PPP1R1A: variants seen among roughly 807,000 people sequenced by gnomAD.
PPP1R1A encodes protein phosphatase 1 regulatory inhibitor subunit 1A.
PPP1R1A carries 18 observed loss-of-function variants against 23.9 expected under a neutral mutation model. That is an observed-to-expected ratio of 0.75 (90% CI 0.52 to 1.12). The LOEUF (loss-of-function observed/expected upper bound fraction) is 1.12, where lower values mean the gene tolerates loss of function less well. Among genes scored for constraint, PPP1R1A ranks in the 50% most tolerant of loss-of-function variants. The pLI, the probability that PPP1R1A is intolerant of heterozygous loss-of-function variation, is 0.00. For synonymous variants in PPP1R1A, 84 were observed against 80.7 expected, an observed-to-expected ratio of 1.04 and a Z score of -0.22; for missense variants, 207 against 223.8, an observed-to-expected ratio of 0.92 and a Z score of 0.48.
Position 54,580,356 on chromosome 12 carries a change from C to T in PPP1R1A, c.*31G>A. 1 of 1,613,310 alleles carries T rather than the reference C, an allele frequency of 6.2e-7. No individual in the cohort carries two copies. The highest frequency in any genetic ancestry group is 8.5e-7 in the Non-Finnish European group (1 of 1,179,568). ...CCGGTGTCCATGCATTCCCAAACTGCAGTCTTGATCCCAAGATACCTCCTC... is the reference window on the plus strand; with the variant it reads ...CCGGTGTCCATGCATTCCCAAACTGTAGTCTTGATCCCAAGATACCTCCTC... On this transcript the variant is annotated 3_prime_UTR_variant, in exon 7 of 7. Transcript: ENST00000257905.
In PPP1R1A at chr12:54,588,504, C is replaced by T. The variant is rs759702265; in HGVS notation, c.-16G>A. On this transcript the variant is annotated 5_prime_UTR_variant, in exon 1 of 7. Transcript: ENST00000257905. ...CTTGCTCCATGGCTGGGGCGGCGGC[C>T]GGTGGGCCCGCGCTGCGGCGGGAGG... 6 of 1,331,768 alleles carry T rather than the reference C, an allele frequency of 4.5e-6. No individual in the cohort carries two copies. The Admixed American group carries it at 2.1e-4, about 47-fold the overall frequency. The allele number at this position is 1,331,768 out of a possible 1,614,324, so 82.5% of individuals were successfully genotyped here.
Position 54,581,137 on chromosome 12 carries a change from C to T in PPP1R1A, c.404-87G>A. On this transcript the variant is annotated intron_variant, in intron 5 of 6. Transcript: ENST00000257905. This position sits in a 1 kb window ranked among gnomAD's most constrained non-coding sequence, Gnocchi z 4.1. ...ACTGCTTCTCCTCACTGCACCCATA[C>T]CCCAGTGGCCCCTGAGAGGGCCCCA... 1 of 1,023,692 alleles carries T rather than the reference C, an allele frequency of 9.8e-7. No homozygotes were observed. The highest frequency in any genetic ancestry group is 1.5e-6 in the Non-Finnish European group (1 of 679,992). 63.4% of individuals were successfully genotyped at this position (1,023,692 alleles called of 1,614,324 possible).
chr12:54,583,379 T>C, intron 2 of PPP1R1A, 131 bp from the exon 3 acceptor site: 1 of 885,054 alleles, frequency 1.1e-6, no homozygotes, highest in Non-Finnish European at 1.6e-6. Context: ...GCCCCCAGGC[T>C]CTTGGCCCTC....
intron 1 of PPP1R1A, among the ~76,000 whole-genome samples, chr12:54,586,460 G>T (rs1009020918): frequency 6.6e-6 from 1 of 152,172 alleles, no homozygotes; most frequent in Admixed American, 6.5e-5. Flanking sequence ...AAGCAGTCAT[G>T]CCAAGGATCT....
chr12:54,586,686 T>A (rs755973646), intron 1 of PPP1R1A, among the ~76,000 whole-genome samples: 5 of 152,156 alleles, frequency 3.3e-5, no homozygotes, highest in Non-Finnish European at 7.4e-5. Context: ...TAGGCCCAAG[T>A]CCCGGCTCTC....
Position 54,584,281 on chromosome 12 carries a change from T to A in PPP1R1A, c.124A>T (p.Thr42Ser). Residue 42 changes from threonine (T) to serine (S), a missense_variant, in exon 2 of 7, where the codon ACC (threonine) becomes TCC (serine). Coordinates refer to ENST00000257905, the MANE Select transcript of PPP1R1A (RefSeq NM_006741.4). ...RRPTPATLVLTSDQSSPEIDE... is the reference protein window; with the variant it reads ...RRPTPATLVLSSDQSSPEIDE... ...TTACCTGGGGATGACTGGTCACTGGTCAGCACGAGGGTGGCAGGGGTGGGG... is the reference window on the plus strand; with the variant it reads ...TTACCTGGGGATGACTGGTCACTGGACAGCACGAGGGTGGCAGGGGTGGGG... The A allele has an allele frequency of 6.2e-7, 1 of 1,604,684 alleles. No individual in the cohort carries two copies.
At position 54,581,850 on chromosome 12, in the gene PPP1R1A, A is replaced by G. The variant is rs1294281184; in HGVS notation, c.403+126T>C. ...ATGCCAACAGATCCATATCCTTGAGACAGTTTTTGCCTACTACTAGGCCTC... is the reference window on the plus strand; with the variant it reads ...ATGCCAACAGATCCATATCCTTGAGGCAGTTTTTGCCTACTACTAGGCCTC... On this transcript the variant is annotated intron_variant, in intron 5 of 6. Coordinates refer to ENST00000257905, the MANE Select transcript of PPP1R1A (RefSeq NM_006741.4). The surrounding 1 kb of genome is among the most constrained non-coding windows in gnomAD (Gnocchi z 4.1). The G allele has an allele frequency of 1.7e-5, 17 of 998,200 alleles. No individual in the cohort carries two copies. Among genetic ancestry groups the G allele is most frequent in the Middle Eastern group, 3.3e-4 (1 of 3,046 alleles). 61.8% of individuals were successfully genotyped at this position (998,200 alleles called of 1,614,324 possible). A position where few individuals can be genotyped will look rare whatever the true frequency, so the allele number is the denominator to read the frequency against.
intron 2 of PPP1R1A, 39 bp from the exon 3 acceptor site, chr12:54,583,287 G>A (rs1348630766): frequency 6.9e-7 from 1 of 1,459,416 alleles, no homozygotes; most frequent in Non-Finnish European, 9.1e-7. Flanking sequence ...ATAAGGACAG[G>A]AAACCAGGGA....
Position 54,582,099 on chromosome 12 carries a change from G to T in PPP1R1A, c.280C>A (p.Gln94Lys), listed in dbSNP as rs1957860954. ...LQMMVEHHLG[Q>K]QQQGEEPEGA... The stretch of plus-strand genomic sequence containing the variant: ...TCAGGTTCCTCTCCTTGCTGCTGTT[G>T]CCCCAGGTGATGTTCAACCATCATC... The change falls in exon 5 of 7, where the codon CAA becomes AAA. Residue 94 changes from glutamine to lysine, a missense_variant. Coordinates refer to ENST00000257905, the MANE Select transcript of PPP1R1A (RefSeq NM_006741.4). The T allele has an allele frequency of 6.2e-7, 1 of 1,613,662 alleles. No homozygotes were observed. Among genetic ancestry groups the T allele is most frequent in the African/African-American group, 1.3e-5 (1 of 75,026 alleles).
chr12:54,579,915 C>T lies in PPP1R1A; in HGVS notation c.*472G>A, dbSNP rs1957838013. The T allele has an allele frequency of 6.1e-6, 6 of 988,084 alleles. No homozygotes were observed. Among genetic ancestry groups the T allele is most frequent in the African/African-American group, 1.7e-5 (1 of 57,302 alleles). The allele number at this position is 988,084 out of a possible 1,614,324, so 61.2% of individuals were successfully genotyped here. On this transcript the variant is annotated 3_prime_UTR_variant, in exon 7 of 7. Coordinates refer to ENST00000257905, the MANE Select transcript of PPP1R1A (RefSeq NM_006741.4). ...GCAGATGGAGCCCACCGCACAGTCA[C>T]AGCTGGACACGGCACAGGCCTTAGA... is the stretch of plus-strand genomic sequence containing the variant.
At chr12:54,585,892 C>T (rs191972179) in intron 1 of PPP1R1A, among the ~76,000 whole-genome samples, 126 of 152,242 alleles carry the variant, frequency 8.3e-4, no homozygotes, top group African/African-American at 3.0e-3. Flanking sequence ...ATTGCAAGGT[C>T]CCCGCAGTAC....
Position 54,588,514 on chromosome 12 carries a change from G to A in PPP1R1A, c.-26C>T, listed in dbSNP as rs1234653293. 5 of 1,311,138 alleles carry A rather than the reference G, an allele frequency of 3.8e-6. No individual in the cohort carries two copies. The South Asian group carries it at 6.4e-5, about 17-fold the overall frequency. 81.2% of individuals were successfully genotyped at this position (1,311,138 alleles called of 1,614,324 possible). A position where few individuals can be genotyped will look rare whatever the true frequency, so the allele number is the denominator to read the frequency against. On this transcript the variant is annotated 5_prime_UTR_variant, in exon 1 of 7. Coordinates refer to ENST00000257905, the MANE Select transcript of PPP1R1A (RefSeq NM_006741.4). ...GGCTGGGGCGGCGGCCGGTGGGCCCGCGCTGCGGCGGGAGGGAAGGCGGCG... is the reference window on the plus strand; with the variant it reads ...GGCTGGGGCGGCGGCCGGTGGGCCCACGCTGCGGCGGGAGGGAAGGCGGCG...
chr12:54,580,207 A>G lies in PPP1R1A; in HGVS notation c.*180T>C. The stretch of plus-strand genomic sequence containing the variant: ...TGGGGGCTACAGAGAGGGCAGGGCA[A>G]GAAGGCAGGGAGAAAGGATTCTCCC... On this transcript the variant is annotated 3_prime_UTR_variant, in exon 7 of 7. Coordinates refer to ENST00000257905, the MANE Select transcript of PPP1R1A (RefSeq NM_006741.4). 1 of 1,418,998 alleles carries G rather than the reference A, an allele frequency of 7.0e-7. No individual in the cohort carries two copies. Among genetic ancestry groups the G allele is most frequent in the Non-Finnish European group, 9.2e-7 (1 of 1,083,058 alleles). 87.9% of individuals were successfully genotyped at this position (1,418,998 alleles called of 1,614,324 possible). A position where few individuals can be genotyped will look rare whatever the true frequency, so the allele number is the denominator to read the frequency against.
chr12:54,583,218 T>C lies in PPP1R1A; in HGVS notation c.176A>G (p.His59Arg). 1 of 1,546,352 alleles carries C rather than the reference T, an allele frequency of 6.5e-7. No homozygotes were observed. Among genetic ancestry groups the C allele is most frequent in the Non-Finnish European group, 8.7e-7 (1 of 1,151,720 alleles). The change falls in exon 3 of 7, where the codon CAT becomes CGT. Residue 59 changes from histidine (H) to arginine (R), a missense_variant. Physicochemically the swap from His to Arg is conservative, Grantham distance 29 (BLOSUM62 0). Transcript: ENST00000257905. ...TGGGATGGGCCAGCTCACCTTGAGA[T>C]GTGGGTTGGGGATCCGGTCTTCATC... ...EIDEDRIPNPHLKSTLAMSPR... is the reference protein window; with the variant it reads ...EIDEDRIPNPRLKSTLAMSPR...
rs1957828634 is a variant in PPP1R1A, at chr12:54,579,417, T to A, written c.*970A>T. The A allele has an allele frequency of 1.0e-6, 1 of 985,308 alleles. No homozygotes were observed. The highest frequency in any genetic ancestry group is 1.2e-6 in the Non-Finnish European group (1 of 829,960). 61.0% of individuals were successfully genotyped at this position (985,308 alleles called of 1,614,324 possible). A position where few individuals can be genotyped will look rare whatever the true frequency, so the allele number is the denominator to read the frequency against. On this transcript the variant is annotated 3_prime_UTR_variant, in exon 7 of 7. Transcript: ENST00000257905. ...GGAGGCCCCGAGGGCTCATAGTAGCTGCATGGCAGAAGTGGGACCTGACGC... is the reference window on the plus strand; with the variant it reads ...GGAGGCCCCGAGGGCTCATAGTAGCAGCATGGCAGAAGTGGGACCTGACGC...
At position 54,581,071 on chromosome 12, in the gene PPP1R1A, TGGGA is replaced by T. The variant is rs950945071; in HGVS notation, c.404-25_404-22del. The T allele has an allele frequency of 2.6e-6, 4 of 1,522,698 alleles. No homozygotes were observed. Among genetic ancestry groups the T allele is most frequent in the Non-Finnish European group, 3.6e-6 (4 of 1,098,212 alleles). 94.3% of individuals were successfully genotyped at this position (1,522,698 alleles called of 1,614,324 possible). A position where few individuals can be genotyped will look rare whatever the true frequency, so the allele number is the denominator to read the frequency against. On this transcript the variant is annotated intron_variant, in intron 5 of 6. Coordinates refer to ENST00000257905, the MANE Select transcript of PPP1R1A (RefSeq NM_006741.4). The surrounding 1 kb of genome is among the most constrained non-coding windows in gnomAD (Gnocchi z 4.1). ...AGTTTCTGGGGAGGGAACATAGGGGTGGGAGGAAGAGGTGGCATTCATAAAGGTG... is the reference window on the plus strand; with the variant it reads ...AGTTTCTGGGGAGGGAACATAGGGGTGGAAGAGGTGGCATTCATAAAGGTG...
chr12:54,585,110 A>T (rs1957896797), intron 1 of PPP1R1A, among the ~76,000 whole-genome samples: 1 of 152,250 alleles, frequency 6.6e-6, no homozygotes, highest in African/African-American at 2.4e-5. Flanking sequence ...CTGGGAGGAC[A>T]GCACAGAGGA....
At chr12:54,582,402 C>G (rs1957864050) in intron 4 of PPP1R1A, among the ~76,000 whole-genome samples, 2 of 152,208 alleles carry the variant, frequency 1.3e-5, no homozygotes, top group South Asian at 4.1e-4. Context: ...TGCTGGGATA[C>G]ATGGTCTTCC....
chr12:54,579,649 A>G lies in PPP1R1A; in HGVS notation c.*738T>C. ...GCCCCTCAATGTCTAGGACAAGGGA[A>G]CCCTTCCAGTCTCCAGCATGGGCCT... On this transcript the variant is annotated 3_prime_UTR_variant, in exon 7 of 7. Transcript: ENST00000257905. 1 of 985,442 alleles carries G rather than the reference A, an allele frequency of 1.0e-6. No individual in the cohort carries two copies. The highest frequency in any genetic ancestry group is 1.2e-6 in the Non-Finnish European group (1 of 829,978). The allele number at this position is 985,442 out of a possible 1,614,324, so 61.0% of individuals were successfully genotyped here.
Sources: allele counts gnomAD v4.1 joint callset (sites outside exome capture counted in the v4.1 genomes callset), GRCh38; gene constraint gnomAD v4.1.1; non-coding constraint Gnocchi (gnomAD v3.1); transcripts MANE v1.5; gene names NCBI Gene and HGNC (gene_info 2026-07-23, HGNC 2026-07-21).